The following EML5 variants were observed in gnomAD, a reference collection of about 807,000 sequenced individuals.
EML5 encodes the protein EMAP like 5, also known as echinoderm microtubule-associated protein-like 5.
A neutral mutation model predicts 250.0 loss-of-function variants in EML5; 120 were observed. The ratio of observed to expected loss-of-function variants is 0.48; its 90% CI spans 0.41 to 0.56. The LOEUF is 0.56. Ranked by LOEUF, EML5 falls within the 20% of genes least tolerant of loss-of-function variation. The pLI is 0.00. For synonymous variants in EML5, 771 were observed against 806.5 expected, an observed-to-expected ratio of 0.96 and a Z score of 0.75; for missense variants, 2,006 against 2,437.6, an observed-to-expected ratio of 0.82 and a Z score of 3.73.
chr14:88,755,914 G>A (rs971564963), intron 1 of EML5, among the ~76,000 whole-genome samples: 3 of 152,050 alleles, frequency 2.0e-5, no homozygotes, highest in Admixed American at 6.6e-5. Flanking sequence ...TGAGAAGATC[G>A]CTTGAACCCA....
At chr14:88,631,223 T>C (rs1047796441) in intron 33 of EML5, among the ~76,000 whole-genome samples, 4 of 152,240 alleles carry the variant, frequency 2.6e-5, no homozygotes, top group Non-Finnish European at 5.9e-5. Context: ...ACTTTTCTTT[T>C]TTCTTTTTGA....
chr14:88,641,406 T>C (rs1410414257), intron 31 of EML5, among the ~76,000 whole-genome samples: 1 of 152,088 alleles, frequency 6.6e-6, no homozygotes, highest in East Asian at 1.9e-4. Flanking sequence ...TGAACATAGA[T>C]GCGAAAAGCC....
chr14:88,746,370 C>T, intron 2 of EML5, 87 bp from the exon 3 acceptor site: 1 of 1,085,040 alleles, frequency 9.2e-7, no homozygotes. Flanking sequence ...AGAAATTATA[C>T]TCATGGGTTT....
chr14:88,725,825 T>C (rs1288929111), intron 8 of EML5, among the ~76,000 whole-genome samples: 1 of 151,928 alleles, frequency 6.6e-6, no homozygotes, highest in Non-Finnish European at 1.5e-5. Flanking sequence ...AGGAAGGAGA[T>C]TAATATGAGA....
chr14:88,702,437 C>T lies in EML5; in HGVS notation c.2238+9G>A, dbSNP rs772026281. On this transcript the variant is annotated intron_variant, in intron 14 of 43. Coordinates refer to ENST00000554922, the MANE Select transcript of EML5 (RefSeq NM_183387.3). ...CTTATCTGGCTTATTGTCAGTCTTT[C>T]AAACCTACCTGGCCTGTTGCCACGT... 1 of 1,592,780 alleles carries T rather than the reference C, an allele frequency of 6.3e-7. No homozygotes were observed. The highest frequency in any genetic ancestry group is 2.3e-5 in the East Asian group (1 of 44,226).
rs185433881 is a variant in EML5 at position 88,700,957 on chromosome 14, T to A, written c.2238+1489A>T. Among the ~76,000 whole-genome samples, 12 of 151,016 alleles carry A rather than the reference T, an allele frequency of 7.9e-5. No homozygotes were observed. The East Asian group carries it at 1.6e-3, about 20-fold the overall frequency. ...CTCATAGTTCTTTAAATAAGCTGGGTTTTTTTTTGCCCTACTTTTACAGAT... is the reference window on the plus strand; with the variant it reads ...CTCATAGTTCTTTAAATAAGCTGGGATTTTTTTTGCCCTACTTTTACAGAT... On this transcript the variant is annotated intron_variant, in intron 14 of 43. Coordinates refer to ENST00000554922, the MANE Select transcript of EML5 (RefSeq NM_183387.3).
chr14:88,722,895 T>A (rs1163483598), intron 8 of EML5, among the ~76,000 whole-genome samples: 1 of 152,060 alleles, frequency 6.6e-6, no homozygotes, highest in Non-Finnish European at 1.5e-5. Flanking sequence ...ATGTACTTTG[T>A]AACTTAAAAT....
intron 16 of EML5, 87 bp downstream of exon 16, chr14:88,695,274 G>C: frequency 1.0e-6 from 1 of 989,502 alleles, no homozygotes; most frequent in Admixed American, 2.6e-5. Flanking sequence ...ATATTTGCTT[G>C]ATTTCAAAAT....
At chr14:88,707,374 T>C (rs1411494486) in intron 10 of EML5, among the ~76,000 whole-genome samples, 1 of 151,886 alleles carries the variant, frequency 6.6e-6, no homozygotes, top group East Asian at 1.9e-4. Context: ...GCAATCCTCC[T>C]GCCTTAGCCT....
In EML5 at chr14:88,626,445, C is replaced by T. The variant is rs1281307428; in HGVS notation, c.4740+393G>A. 5 of 186,622 alleles carry T rather than the reference C, an allele frequency of 2.7e-5. No individual in the cohort carries two copies. The East Asian group carries it at 6.6e-4, about 25-fold the overall frequency. 11.6% of individuals were successfully genotyped at this position (186,622 alleles called of 1,614,324 possible). On this transcript the variant is annotated intron_variant, in intron 35 of 43. Transcript: ENST00000554922. Reference sequence around the variant, plus strand: ...AGACCACCTAGGCAACATAGCGAAACCCTGTCTCTACTAAAAATGAAAGAA... The same window carrying T: ...AGACCACCTAGGCAACATAGCGAAATCCTGTCTCTACTAAAAATGAAAGAA...
At chr14:88,763,903 G>T (rs373716726) in intron 1 of EML5, among the ~76,000 whole-genome samples, 83 of 152,310 alleles carry the variant, frequency 5.4e-4, no homozygotes, top group African/African-American at 1.9e-3. Context: ...CCGGGTTAAA[G>T]AAGTGGACTT....
intron 8 of EML5, 53 bp downstream of exon 8, chr14:88,726,488 A>G (rs182395008): frequency 3.4e-6 from 5 of 1,470,282 alleles, no homozygotes; most frequent in Middle Eastern, 1.7e-4. Flanking sequence ...AATTACTTAT[A>G]TTCTGTATCA....
chr14:88,792,356 G>C lies in EML5; in HGVS notation c.148C>G (p.Arg50Gly). Residue 50 changes from arginine to glycine, a missense_variant, in exon 1 of 44, where the codon CGG (arginine) becomes GGG (glycine). Coordinates refer to ENST00000554922, the MANE Select transcript of EML5 (RefSeq NM_183387.3). The surrounding 1 kb of genome is among the most constrained non-coding windows in gnomAD (Gnocchi z 6.9). ...CGGTAGAACTTCTGCCTGTGCTCCC[G>C]CGGGCTGTACACCACGCCGACCCCC... Reference protein sequence around the residue: ...VAGVGVVYSPREHRQKFYRGH... With the variant: ...VAGVGVVYSPGEHRQKFYRGH... 1 of 1,568,076 alleles carries C rather than the reference G, an allele frequency of 6.4e-7. No individual in the cohort carries two copies. Among genetic ancestry groups the C allele is most frequent in the Non-Finnish European group, 8.6e-7 (1 of 1,158,196 alleles).
chr14:88,757,271 T>G (rs948508715), intron 1 of EML5, among the ~76,000 whole-genome samples: 1 of 152,008 alleles, frequency 6.6e-6, no homozygotes, highest in Non-Finnish European at 1.5e-5. Flanking sequence ...TGAATATATA[T>G]CCACATACAA....
chr14:88,638,731 A>T (rs1340449557), intron 32 of EML5, 78 bp downstream of exon 32: 26 of 1,264,522 alleles, frequency 2.1e-5, no homozygotes, highest in Non-Finnish European at 2.8e-5. Flanking sequence ...TAAAATTTTG[A>T]TTTTTTCCTT....
Position 88,621,400 on chromosome 14 carries a change from T to G in EML5, c.5014-99A>C, listed in dbSNP as rs763248862. On this transcript the variant is annotated intron_variant, in intron 37 of 43. Coordinates refer to ENST00000554922, the MANE Select transcript of EML5 (RefSeq NM_183387.3). ...CCCTATTGACCTGCTTTCAGAGAAC[T>G]TTTTGCTTTGAGCTAATCTAGTAGC... The G allele has an allele frequency of 1.2e-5, 17 of 1,471,922 alleles. No individual in the cohort carries two copies. In the South Asian group the frequency reaches 1.9e-4, roughly 16 times the overall value. The allele number at this position is 1,471,922 out of a possible 1,614,324, so 91.2% of individuals were successfully genotyped here. A position where few individuals can be genotyped will look rare whatever the true frequency, so the allele number is the denominator to read the frequency against.
chr14:88,718,801 G>A (rs1470929534), intron 8 of EML5, among the ~76,000 whole-genome samples: 1 of 152,110 alleles, frequency 6.6e-6, no homozygotes, highest in African/African-American at 2.4e-5. Flanking sequence ...CTTAAGATGG[G>A]ACACATTGAG....
intron 20 of EML5, among the ~76,000 whole-genome samples, chr14:88,683,430 G>A (rs1398556158): frequency 1.3e-5 from 2 of 152,222 alleles, no homozygotes; most frequent in Non-Finnish European, 2.9e-5. Context: ...GAGTTTAACA[G>A]TTGGGTGTGG....
At chr14:88,774,014 G>C (rs759890677) in intron 1 of EML5, among the ~76,000 whole-genome samples, 1 of 152,156 alleles carries the variant, frequency 6.6e-6, no homozygotes, top group Non-Finnish European at 1.5e-5. Flanking sequence ...AGCTACTTGA[G>C]AGGCTGAGGC....
Sources: allele counts gnomAD v4.1 joint callset (sites outside exome capture counted in the v4.1 genomes callset), GRCh38; gene constraint gnomAD v4.1.1; non-coding constraint Gnocchi (gnomAD v3.1); transcripts MANE v1.5; gene names NCBI Gene and HGNC (gene_info 2026-07-23, HGNC 2026-07-21).